Variants in KCNIP4 observed in about 807,000 individuals in gnomAD.
The protein encoded by KCNIP4 is potassium voltage-gated channel interacting protein 4.
A neutral mutation model predicts 34.0 loss-of-function variants in KCNIP4; 12 were observed. The ratio of observed to expected loss-of-function variants is 0.35; its 90% CI spans 0.23 to 0.57. The LOEUF is 0.57. Ranked by LOEUF, KCNIP4 falls within the 20% of genes least tolerant of loss-of-function variation. The pLI, the probability that KCNIP4 is intolerant of heterozygous loss-of-function variation, is 0.83. For synonymous variants in KCNIP4, 124 were observed against 102.2 expected, an observed-to-expected ratio of 1.21 and a Z score of -1.29; for missense variants, 238 against 311.7, an observed-to-expected ratio of 0.76 and a Z score of 1.78.
rs201186937 is a variant in KCNIP4 at position 21,694,406 on chromosome 4, G to A, written c.61+254165C>T. 2.0e-4 allele frequency among the ~76,000 whole-genome samples: 31 copies of A among 152,184 alleles called. No homozygotes were observed. The East Asian group carries it at 5.4e-3, about 27-fold the overall frequency. On this transcript the variant is annotated intron_variant, in intron 1 of 8. Coordinates refer to ENST00000382152, the MANE Select transcript of KCNIP4 (RefSeq NM_025221.6). ...TTGTAATATTTGCATATGGATTTCT[G>A]TGATTTGCTATACATAACAAATAAA... is the stretch of plus-strand genomic sequence containing the variant.
At chr4:21,169,797 A>G (rs1753887881) in intron 1 of KCNIP4, among the ~76,000 whole-genome samples, 1 of 151,312 alleles carries the variant, frequency 6.6e-6, no homozygotes, top group Non-Finnish European at 1.5e-5. Context: ...TTAGTACTCA[A>G]ACACTCCCAG....
intron 2 of KCNIP4, among the ~76,000 whole-genome samples, chr4:20,874,763 A>G (rs1723827005): frequency 6.6e-6 from 1 of 152,040 alleles, no homozygotes; most frequent in Non-Finnish European, 1.5e-5. Context: ...TATGAAAATG[A>G]AATATTCAAA....
rs564618340 is a variant in KCNIP4 at position 21,435,748 on chromosome 4, C to T, written c.61+512823G>A. Among the ~76,000 whole-genome samples, 22 of 151,702 alleles carry T rather than the reference C, an allele frequency of 1.5e-4. 1 individual carries two copies. The East Asian group carries it at 4.3e-3, about 29-fold the overall frequency. ...AAATACAGACAAGATTTTTTTTTCT[C>T]CTCCACTAATTGAATTAAAGCCAAT... On this transcript the variant is annotated intron_variant, in intron 1 of 8. Coordinates refer to ENST00000382152, the MANE Select transcript of KCNIP4 (RefSeq NM_025221.6).
chr4:21,532,428 T>C (rs1560493862), intron 1 of KCNIP4, among the ~76,000 whole-genome samples: 1 of 152,158 alleles, frequency 6.6e-6, no homozygotes, highest in Non-Finnish European at 1.5e-5. Flanking sequence ...AAAATACTAC[T>C]TTAATAAAAA....
At chr4:21,355,654 C>A (rs1486682951) in intron 1 of KCNIP4, among the ~76,000 whole-genome samples, 1 of 152,000 alleles carries the variant, frequency 6.6e-6, no homozygotes, top group Non-Finnish European at 1.5e-5. Context: ...ATTGAGGCAA[C>A]AATTAATAGC....
At chr4:20,763,589 T>C (rs1262035099) in intron 3 of KCNIP4, among the ~76,000 whole-genome samples, 4 of 152,224 alleles carry the variant, frequency 2.6e-5, no homozygotes, top group Admixed American at 6.5e-5. Context: ...AAATAAGAAG[T>C]CTGGTATGGC....
rs1359624656 is a variant in KCNIP4, at chr4:21,589,180, ATATATATATATATATATATATG to A, written c.61+359369_61+359390del. Among the ~76,000 whole-genome samples the A allele has an allele frequency of 7.2e-4, 51 of 70,890 alleles. 1 individual carries two copies. In the East Asian group the frequency reaches 8.4e-3, roughly 12 times the overall value. The allele number at this position is 70,890 out of a possible 152,430, so 46.5% of individuals were successfully genotyped here. A position where few individuals can be genotyped will look rare whatever the true frequency, so the allele number is the denominator to read the frequency against. On this transcript the variant is annotated intron_variant, in intron 1 of 8. Transcript: ENST00000382152. ...TGTATATATATATATATATATATAT[ATATATATATATATATATATATG>A]TGTACATATATAAGTACACATGTAT...
chr4:21,454,823 G>A (rs1266570377), intron 1 of KCNIP4, among the ~76,000 whole-genome samples: 1 of 151,984 alleles, frequency 6.6e-6, no homozygotes, highest in Admixed American at 6.6e-5. Context: ...AATTCTTTTG[G>A]TTAAATTCTG....
At chr4:21,848,116 T>G (rs1393544206) in intron 1 of KCNIP4, 1 of 152,158 alleles carries the variant, frequency 6.6e-6, no homozygotes, top group African/African-American at 2.4e-5. Flanking sequence ...GTTGAACTTC[T>G]CAGCAGCTCA....
At chr4:21,345,311 G>A (rs1001657131) in intron 1 of KCNIP4, among the ~76,000 whole-genome samples, 1 of 152,106 alleles carries the variant, frequency 6.6e-6, no homozygotes, top group Non-Finnish European at 1.5e-5. Flanking sequence ...CCTCACTCAA[G>A]CATTGAGTTG....
chr4:21,751,638 C>A (rs1717158168), intron 1 of KCNIP4, among the ~76,000 whole-genome samples: 1 of 152,108 alleles, frequency 6.6e-6, no homozygotes, highest in South Asian at 2.1e-4. Flanking sequence ...TTACAAAAAG[C>A]AAATGCATTG....
rs35254813 is a variant in KCNIP4 at position 21,297,102 on chromosome 4, G to GTATATATATA, written c.62-414403_62-414394dup. 4.6e-3 allele frequency among the ~76,000 whole-genome samples: 667 copies of GTATATATATA among 144,290 alleles called. 8 individuals carry two copies. The highest frequency in any genetic ancestry group is 0.016 in the African/African-American group (621 of 39,420). 94.7% of individuals were successfully genotyped at this position (144,290 alleles called of 152,430 possible). ...AAGTCAAGTGCTATATCAAATATGT[G>GTATATATATA]TATATATATATATATATATATTTGG... On this transcript the variant is annotated intron_variant, in intron 1 of 8. Transcript: ENST00000382152.
chr4:21,641,603 TG>T (rs1346071240), intron 1 of KCNIP4, among the ~76,000 whole-genome samples: 1 of 152,184 alleles, frequency 6.6e-6, no homozygotes, highest in Non-Finnish European at 1.5e-5. Flanking sequence ...CATCTCTGAA[TG>T]GGTGAAAATC....
chr4:21,907,518 G>A (rs1437653015), intron 1 of KCNIP4, among the ~76,000 whole-genome samples: 2 of 152,140 alleles, frequency 1.3e-5, no homozygotes, highest in Non-Finnish European at 2.9e-5. Context: ...GTACTATTAT[G>A]TACTTTCTTA....
At chr4:21,627,368 T>A (rs1399780448) in intron 1 of KCNIP4, among the ~76,000 whole-genome samples, 1 of 152,124 alleles carries the variant, frequency 6.6e-6, no homozygotes, top group Non-Finnish European at 1.5e-5. Context: ...TTTTTCCCGA[T>A]CTGTCTTTCC....
At chr4:21,091,424 A>C (rs1454575005) in intron 1 of KCNIP4, among the ~76,000 whole-genome samples, 1 of 152,198 alleles carries the variant, frequency 6.6e-6, no homozygotes, top group Non-Finnish European at 1.5e-5. Context: ...ATAACAAGGT[A>C]ATTTCATGGA....
intron 2 of KCNIP4, among the ~76,000 whole-genome samples, chr4:20,851,287 G>T (rs1385151989): frequency 6.6e-6 from 1 of 152,084 alleles, no homozygotes; most frequent in Non-Finnish European, 1.5e-5. Flanking sequence ...TGCAGTGTTT[G>T]GTTTTCTGTT....
chr4:21,774,590 T>C (rs1190854515), intron 1 of KCNIP4, among the ~76,000 whole-genome samples: 1 of 152,216 alleles, frequency 6.6e-6, no homozygotes, highest in Non-Finnish European at 1.5e-5. Flanking sequence ...TCGTAGGTTT[T>C]GTCTTTTTAC....
At chr4:21,488,547 A>G (rs534583513) in intron 1 of KCNIP4, among the ~76,000 whole-genome samples, 50 of 152,298 alleles carry the variant, frequency 3.3e-4, no homozygotes, top group African/African-American at 1.2e-3. Flanking sequence ...AAAAACCTCT[A>G]TATTAAGCCA....
Sources: allele counts gnomAD v4.1 joint callset (sites outside exome capture counted in the v4.1 genomes callset), GRCh38; gene constraint gnomAD v4.1.1; transcripts MANE v1.5; gene names NCBI Gene and HGNC (gene_info 2026-07-23, HGNC 2026-07-21).